KIF4A: variants seen among roughly 807,000 people sequenced by gnomAD.
KIF4A encodes the protein kinesin family member 4A, also known as chromosome-associated kinesin KIF4A.
KIF4A carries 7 observed loss-of-function variants against 105.9 expected under a neutral mutation model. The ratio of observed to expected loss-of-function variants is 0.07; its 90% CI spans 0.04 to 0.12. The LOEUF is 0.12. Among genes scored for constraint, KIF4A ranks in the 10% least tolerant of loss-of-function variants. KIF4A has a pLI of 1.00. For synonymous variants in KIF4A, 281 were observed against 331.3 expected, an observed-to-expected ratio of 0.85 and a Z score of 1.65; for missense variants, 558 against 929.2, an observed-to-expected ratio of 0.60 and a Z score of 5.19.
At chrX:70,290,325 G>C in intron 1 of KIF4A, 113 bp from the exon 2 acceptor site, 1 of 939,189 alleles carries the variant, frequency 1.1e-6, no homozygotes, top group Non-Finnish European at 1.5e-6. Context: ...CATGGAGCGT[G>C]AATCTCCCAA....
chrX:70,417,833 A>T, intron 28 of KIF4A, 55 bp from the exon 29 acceptor site: 1 of 979,981 alleles, frequency 1.0e-6, no homozygotes, highest in Non-Finnish European at 1.4e-6. Context: ...AAGTCATTTT[A>T]AACTAGTCTT....
intron 3 of KIF4A, among the ~76,000 whole-genome samples, chrX:70,292,644 T>G (rs1430610013): frequency 1.8e-5 from 2 of 112,115 alleles, no homozygotes; most frequent in East Asian, 5.6e-4. Context: ...CCTTTTTACA[T>G]ACAGTATTTG....
intron 12 of KIF4A, 49 bp downstream of exon 12, chrX:70,343,810 A>G (rs1442657216): frequency 8.4e-7 from 1 of 1,186,358 alleles, no homozygotes; most frequent in Non-Finnish European, 1.1e-6. Context: ...ATCTTAGTAT[A>G]TAATCGTGGA....
chrX:70,324,974 G>A (rs2085905387), intron 7 of KIF4A, among the ~76,000 whole-genome samples: 1 of 111,242 alleles, frequency 9.0e-6, no homozygotes, highest in Non-Finnish European at 1.9e-5. Flanking sequence ...TAGAGACAGG[G>A]TTTTGCAGTG....
At chrX:70,391,141 G>A (rs2147731738) in intron 20 of KIF4A, among the ~76,000 whole-genome samples, 1 of 111,993 alleles carries the variant, frequency 8.9e-6, no homozygotes, top group South Asian at 3.7e-4. Context: ...TGGGACTACT[G>A]GGTCATATGA....
At chrX:70,339,465 A>T (rs1204486569) in intron 10 of KIF4A, among the ~76,000 whole-genome samples, 1 of 112,345 alleles carries the variant, frequency 8.9e-6, no homozygotes, top group Non-Finnish European at 1.9e-5. Context: ...TTTAGCACAA[A>T]AAGTTCCAGA....
At chrX:70,323,343 A>G (rs2085898901) in intron 7 of KIF4A, among the ~76,000 whole-genome samples, 1 of 111,123 alleles carries the variant, frequency 9.0e-6, no homozygotes, top group African/African-American at 3.3e-5. Context: ...CCCCCAGTAG[A>G]CAGCAAGCCA....
At chrX:70,362,870 C>T (rs1452061576) in intron 15 of KIF4A, among the ~76,000 whole-genome samples, 4 of 112,055 alleles carry the variant, frequency 3.6e-5, no homozygotes, top group African/African-American at 9.7e-5. Flanking sequence ...GTTTTAATCA[C>T]ATGTGAATCA....
At chrX:70,322,023 C>T (rs968320254) in intron 7 of KIF4A, among the ~76,000 whole-genome samples, 49 of 110,254 alleles carry the variant, frequency 4.4e-4, no homozygotes, top group African/African-American at 1.6e-3. Flanking sequence ...GAAACATAAC[C>T]CAGGCTTTGT....
chrX:70,339,629 ATT>A (rs2147696813), intron 10 of KIF4A, among the ~76,000 whole-genome samples: 1 of 113,004 alleles, frequency 8.8e-6, no homozygotes, highest in South Asian at 3.6e-4. Context: ...GTATATTTAT[ATT>A]TTTAGAGACA....
At chrX:70,362,011 C>G (rs754574506) in intron 15 of KIF4A, among the ~76,000 whole-genome samples, 3 of 112,255 alleles carry the variant, frequency 2.7e-5, no homozygotes, top group Admixed American at 9.4e-5. Flanking sequence ...TAAGGCGGAC[C>G]TCCTCTGTAG....
chrX:70,420,339 A>G lies in KIF4A; in HGVS notation c.*74A>G. 9.2e-7 allele frequency: 1 copy of G among 1,088,674 alleles called. No individual in the cohort carries two copies. Among genetic ancestry groups the G allele is most frequent in the Non-Finnish European group, 1.2e-6 (1 of 824,095 alleles). 89.7% of individuals were successfully genotyped at this position (1,088,674 alleles called of 1,213,427 possible). A position where few individuals can be genotyped will look rare whatever the true frequency, so the allele number is the denominator to read the frequency against. The stretch of plus-strand genomic sequence containing the variant: ...AGGTTGCAGCCAGAAGGGGTTTTTT[A>G]AATGACTTCTCTGGATTTCAGGTTT... On this transcript the variant is annotated 3_prime_UTR_variant, in exon 31 of 31. Transcript: ENST00000374403.
intron 7 of KIF4A, among the ~76,000 whole-genome samples, chrX:70,320,963 G>T (rs1488843429): frequency 8.9e-6 from 1 of 112,048 alleles, no homozygotes; most frequent in Non-Finnish European, 1.9e-5. Flanking sequence ...CAAATATTGT[G>T]TATCAATAAA....
At chrX:70,399,497 T>A (rs12391952) in intron 22 of KIF4A, among the ~76,000 whole-genome samples, 6,751 of 110,386 alleles carry the variant, frequency 0.061, 191 homozygotes, top group Middle Eastern at 0.088. Flanking sequence ...AGTGTGATTT[T>A]AAAAATATAT....
intron 3 of KIF4A, among the ~76,000 whole-genome samples, chrX:70,293,269 A>G (rs192492748): frequency 5.2e-4 from 59 of 112,545 alleles, no homozygotes; most frequent in African/African-American, 1.8e-3. Flanking sequence ...AGACTGCAAA[A>G]TTATCTTGGT....
At chrX:70,379,984 A>G (rs1226103711) in intron 18 of KIF4A, among the ~76,000 whole-genome samples, 1 of 111,164 alleles carries the variant, frequency 9.0e-6, no homozygotes, top group Admixed American at 9.7e-5. Context: ...ACAAAATTCT[A>G]GCAAACTAAA....
At position 70,333,558 on chromosome X, in the gene KIF4A, A is replaced by G. The variant is rs1602752819; in HGVS notation, c.1072-70A>G. The G allele has an allele frequency of 9.5e-6, 7 of 738,879 alleles. No individual in the cohort carries two copies. The East Asian group carries it at 1.9e-4, about 20-fold the overall frequency. 60.9% of individuals were successfully genotyped at this position (738,879 alleles called of 1,213,427 possible). A position where few individuals can be genotyped will look rare whatever the true frequency, so the allele number is the denominator to read the frequency against. On this transcript the variant is annotated intron_variant, in intron 9 of 30. Transcript: ENST00000374403. ...AAATTACTTTATTGCTAATTGTGGT[A>G]ATTTTACTGCCAAGGGTTAAGTAGC... is the stretch of plus-strand genomic sequence containing the variant.
chrX:70,375,226 C>T lies in KIF4A; in HGVS notation c.1801C>T (p.Arg601Cys), dbSNP rs374256182. 26 of 1,210,872 alleles carry T rather than the reference C, an allele frequency of 2.1e-5. No homozygotes were observed. The highest frequency in any genetic ancestry group is 2.7e-5 in the Non-Finnish European group (24 of 895,312). The change falls in exon 17 of 31, where the codon CGT becomes TGT. Residue 601 changes from arginine to cysteine, a missense_variant. By Grantham distance (180) the Arg-to-Cys change is radical. This residue lies in a region of KIF4A where 469 missense variants were observed against 680.4 expected (regional missense o/e 0.69). Transcript: ENST00000374403. ...QAKLSERRRK[R>C]LQELEGQIAD... Reference sequence around the variant, plus strand: ...TAGGTTGAGTGAGCGCCGCCGCAAACGTCTCCAGGAGCTGGAGGGTCAAAT... The same window carrying T: ...TAGGTTGAGTGAGCGCCGCCGCAAATGTCTCCAGGAGCTGGAGGGTCAAAT...
At chrX:70,328,206 A>G (rs1166952334) in intron 7 of KIF4A, among the ~76,000 whole-genome samples, 1 of 112,020 alleles carries the variant, frequency 8.9e-6, no homozygotes, top group Non-Finnish European at 1.9e-5. Context: ...GAAACAATAT[A>G]AATTTATTTC....
Sources: allele counts gnomAD v4.1 joint callset (sites outside exome capture counted in the v4.1 genomes callset), GRCh38; gene constraint gnomAD v4.1.1; regional missense constraint gnomAD v4.1.1; transcripts MANE v1.5; gene names NCBI Gene and HGNC (gene_info 2026-07-23, HGNC 2026-07-21).